FSTL5: variants seen among roughly 807,000 people sequenced by gnomAD.
The protein encoded by FSTL5 is follistatin-related protein 5.
FSTL5 carries 62 observed loss-of-function variants against 89.1 expected under a neutral mutation model. The ratio of observed to expected loss-of-function variants is 0.70; its 90% CI spans 0.57 to 0.86. The LOEUF is 0.86. FSTL5 is among the 40% of genes least tolerant of loss of function. FSTL5 has a pLI of 0.00. For synonymous variants in FSTL5, 383 were observed against 346.2 expected (o/e 1.11, Z -1.18); for missense variants, 1,057 against 1,001.6 (o/e 1.06, Z -0.75).
At chr4:161,848,175 CTGTT>C (rs1731437324) in intron 4 of FSTL5, among the ~76,000 whole-genome samples, 1 of 151,178 alleles carries the variant, frequency 6.6e-6, no homozygotes, top group African/African-American at 2.4e-5. Flanking sequence ...AAATGACTTA[CTGTT>C]TATCAGAAAT....
At chr4:161,691,421 A>C (rs1368548135) in intron 6 of FSTL5, among the ~76,000 whole-genome samples, 1 of 152,108 alleles carries the variant, frequency 6.6e-6, no homozygotes, top group Non-Finnish European at 1.5e-5. Context: ...CCCGTGCCAC[A>C]CTTGATTGTT....
intron 3 of FSTL5, among the ~76,000 whole-genome samples, chr4:161,959,238 T>C (rs1366577765): frequency 6.6e-6 from 1 of 152,134 alleles, no homozygotes; most frequent in Admixed American, 6.6e-5. Context: ...GACAAGAACA[T>C]TTATTGTGTT....
chr4:161,387,789 C>T (rs1318968452), intron 15 of FSTL5: 3 of 152,020 alleles, frequency 2.0e-5, no homozygotes, highest in Admixed American at 6.6e-5. Flanking sequence ...ATTCTTCTTA[C>T]ATTAAATATA....
intron 13 of FSTL5, among the ~76,000 whole-genome samples, chr4:161,467,753 G>T (rs946545174): frequency 6.6e-6 from 1 of 152,066 alleles, no homozygotes; most frequent in Non-Finnish European, 1.5e-5. Flanking sequence ...TCACCCAGCA[G>T]GTAAGAGAGT....
rs372135217 is a variant in FSTL5, at chr4:161,754,628, C to T, written c.727+4783G>A. On this transcript the variant is annotated intron_variant, in intron 6 of 15. Transcript: ENST00000306100. Reference sequence around the variant, plus strand: ...TCTCTGGGTAGTCATTTATACCATTCTTGGTTATCTAGAAACTCTAAATGA... The same window carrying T: ...TCTCTGGGTAGTCATTTATACCATTTTTGGTTATCTAGAAACTCTAAATGA... Among the ~76,000 whole-genome samples, 66 of 152,194 alleles carry T rather than the reference C, an allele frequency of 4.3e-4. No individual in the cohort carries two copies. The East Asian group carries it at 7.9e-3, about 18-fold the overall frequency.
intron 3 of FSTL5, among the ~76,000 whole-genome samples, chr4:161,987,389 G>C (rs1274728002): frequency 6.7e-6 from 1 of 150,108 alleles, no homozygotes. Context: ...TAGAATGGCG[G>C]GGAAGGAGAA....
In FSTL5 at chr4:161,400,878, C is replaced by T. The variant is rs542233704; in HGVS notation, c.1842-14429G>A. 2.0e-5 allele frequency among the ~76,000 whole-genome samples: 3 copies of T among 152,178 alleles called. No individual in the cohort carries two copies. In the South Asian group the frequency reaches 6.2e-4, roughly 31 times the overall value. Reference sequence around the variant, plus strand: ...ATTATGTTATTATGTTATCAGAGATCATTTTTTATAGTTCCATAAACTATC... The same window carrying T: ...ATTATGTTATTATGTTATCAGAGATTATTTTTTATAGTTCCATAAACTATC... On this transcript the variant is annotated intron_variant, in intron 15 of 15. Transcript: ENST00000306100.
chr4:162,043,820 C>T (rs919915988), intron 2 of FSTL5, among the ~76,000 whole-genome samples: 26 of 152,228 alleles, frequency 1.7e-4, no homozygotes, highest in African/African-American at 6.3e-4. Flanking sequence ...TTCAAGAAAC[C>T]ACTTTCTTTG....
intron 8 of FSTL5, among the ~76,000 whole-genome samples, chr4:161,543,751 TG>T (rs35090429): frequency 0.28 from 42,084 of 151,660 alleles, 6,988 homozygotes; most frequent in Non-Finnish European, 0.37. Context: ...TAAGCAAAAT[TG>T]AATTCAAAAT....
chr4:161,987,832 G>T (rs115372808), intron 3 of FSTL5, among the ~76,000 whole-genome samples: 1 of 151,716 alleles, frequency 6.6e-6, no homozygotes, highest in African/African-American at 2.4e-5. Context: ...TGTCACCTGA[G>T]TTAGAGATCT....
chr4:161,809,275 A>G (rs566572706), intron 4 of FSTL5, among the ~76,000 whole-genome samples: 2 of 152,246 alleles, frequency 1.3e-5, no homozygotes, highest in South Asian at 4.2e-4. Flanking sequence ...ACATCACACC[A>G]ATTAGAATTC....
At chr4:161,499,050 A>C (rs1354622207) in intron 12 of FSTL5, among the ~76,000 whole-genome samples, 5 of 151,978 alleles carry the variant, frequency 3.3e-5, no homozygotes, top group African/African-American at 1.2e-4. Flanking sequence ...AAAAATACAG[A>C]AATTAGCTGG....
chr4:161,708,360 A>G (rs10517749), intron 6 of FSTL5, among the ~76,000 whole-genome samples: 52,617 of 151,828 alleles, frequency 0.35, 11,440 homozygotes, highest in East Asian at 0.68. Context: ...TTTTACACTC[A>G]ATATTTTCTA....
intron 14 of FSTL5, among the ~76,000 whole-genome samples, chr4:161,458,875 G>A (rs1307471656): frequency 6.6e-6 from 1 of 152,168 alleles, no homozygotes; most frequent in Non-Finnish European, 1.5e-5. Flanking sequence ...TGAAGCTTTT[G>A]CTGTCGAATT....
At chr4:162,005,063 T>C (rs1476815734) in intron 3 of FSTL5, among the ~76,000 whole-genome samples, 1 of 152,162 alleles carries the variant, frequency 6.6e-6, no homozygotes, top group Admixed American at 6.6e-5. Flanking sequence ...TCTAAAATAA[T>C]GTAATGTATC....
chr4:161,798,166 G>C (rs975366574), intron 4 of FSTL5, among the ~76,000 whole-genome samples: 33 of 151,796 alleles, frequency 2.2e-4, no homozygotes, highest in African/African-American at 7.7e-4. Context: ...TAGGTTCATA[G>C]ATTTAAGAAA....
At chr4:161,657,087 T>G (rs1478927767) in intron 6 of FSTL5, among the ~76,000 whole-genome samples, 1 of 152,208 alleles carries the variant, frequency 6.6e-6, no homozygotes, top group Non-Finnish European at 1.5e-5. Flanking sequence ...AAGATACATA[T>G]CATATTTTAA....
At chr4:161,450,278 A>C (rs544062564) in intron 15 of FSTL5, among the ~76,000 whole-genome samples, 2 of 152,354 alleles carry the variant, frequency 1.3e-5, no homozygotes, top group South Asian at 4.1e-4. Flanking sequence ...TTAATTTATT[A>C]TGCAAATTCT....
At chr4:161,583,331 G>A (rs1328243131) in intron 8 of FSTL5, among the ~76,000 whole-genome samples, 2 of 152,226 alleles carry the variant, frequency 1.3e-5, no homozygotes, top group Non-Finnish European at 2.9e-5. Context: ...GGATGAGACT[G>A]AGGGTAGAAA....
Sources: allele counts gnomAD v4.1 joint callset (sites outside exome capture counted in the v4.1 genomes callset), GRCh38; gene constraint gnomAD v4.1.1; transcripts MANE v1.5; gene names NCBI Gene and HGNC (gene_info 2026-07-23, HGNC 2026-07-21).